The following ADPRM variants were observed in gnomAD, a reference collection of about 807,000 sequenced individuals.
The protein encoded by ADPRM is ADP-ribose/CDP-alcohol diphosphatase, manganese dependent, also known as manganese-dependent ADP-ribose/CDP-alcohol diphosphatase.
In ADPRM, 17 loss-of-function variants were observed where a neutral mutation model predicts 27.2. That is an observed-to-expected ratio of 0.63 (90% CI 0.43 to 0.94). The LOEUF (loss-of-function observed/expected upper bound fraction) is 0.94. Among genes scored for constraint, ADPRM ranks in the 40% least tolerant of loss-of-function variants. The probability of loss-of-function intolerance (pLI) is 0.00; values close to 1 mark genes in which losing one functional copy is unlikely to be tolerated. For synonymous variants in ADPRM, 135 were observed against 145.3 expected, an observed-to-expected ratio of 0.93 and a Z score of 0.51; for missense variants, 337 against 412.8, an observed-to-expected ratio of 0.82 and a Z score of 1.59.
chr17:10,703,588 T>C (rs891729408), intron 1 of ADPRM, among the ~76,000 whole-genome samples: 1 of 152,186 alleles, frequency 6.6e-6, no homozygotes, highest in African/African-American at 2.4e-5. Context: ...TTATTCCAAT[T>C]GTGGAGTTGT....
intron 3 of ADPRM, among the ~76,000 whole-genome samples, chr17:10,708,950 C>T (rs140816920): frequency 7.4e-4 from 112 of 152,286 alleles, no homozygotes; most frequent in African/African-American, 2.6e-3. Context: ...GTACACCTAT[C>T]TAATTTAGCA....
rs375371081 is a variant in ADPRM, at chr17:10,705,186, A to G, written c.260A>G (p.Lys87Arg). The change falls in exon 2 of 4, where the codon AAA becomes AGA. Residue 87 changes from lysine (K) to arginine (R), a missense_variant. Physicochemically the swap from Lys to Arg is conservative, Grantham distance 26. Transcript: ENST00000379774. This position sits in a 1 kb window ranked among gnomAD's most constrained non-coding sequence, Gnocchi z 5.4. ...DGYNAQYNAS[K>R]KSLELVMDMF... ...TATAATGCACAGTATAATGCATCCA[A>G]AAAGTCCCTAGAACTTGTTATGGAC... 12 of 1,614,058 alleles carry G rather than the reference A, an allele frequency of 7.4e-6. No individual in the cohort carries two copies. The highest frequency in any genetic ancestry group is 6.6e-5 in the South Asian group (6 of 91,082).
intron 1 of ADPRM, among the ~76,000 whole-genome samples, chr17:10,699,828 G>C (rs928845360): frequency 9.9e-5 from 15 of 152,038 alleles, no homozygotes; most frequent in Non-Finnish European, 1.8e-4. Flanking sequence ...CACCACACCC[G>C]GCCCCAATTT....
rs1027494731 is a variant in ADPRM, at chr17:10,697,720, G to C, written c.-18+53G>C. 206 of 654,324 alleles carry C rather than the reference G, an allele frequency of 3.1e-4. 3 individuals are homozygous for C. The Admixed American group carries it at 5.1e-3, about 16-fold the overall frequency. 40.5% of individuals were successfully genotyped at this position (654,324 alleles called of 1,614,324 possible). A position where few individuals can be genotyped will look rare whatever the true frequency, so the allele number is the denominator to read the frequency against. ...GGTCTGGCGCGGGCTGGGCGGTGCTGCGGGGCCGCGGGACAGCGGAGCGCC... is the reference window on the plus strand; with the variant it reads ...GGTCTGGCGCGGGCTGGGCGGTGCTCCGGGGCCGCGGGACAGCGGAGCGCC... On this transcript the variant is annotated intron_variant, in intron 1 of 3. Transcript: ENST00000379774.
intron 1 of ADPRM, among the ~76,000 whole-genome samples, chr17:10,700,098 G>C (rs906589208): frequency 2.0e-5 from 3 of 152,178 alleles, no homozygotes; most frequent in Non-Finnish European, 2.9e-5. Flanking sequence ...TATCTGCGTA[G>C]AAAACATATG....
chr17:10,706,482 C>G lies in ADPRM; in HGVS notation c.646C>G (p.Gln216Glu), dbSNP rs1318605396. ...QFVQFNGGFS[Q>E]EQLNWLNEVL... ...TGTCCAGTTTAATGGAGGATTCAGC[C>G]AAGAACAGCTAAACTGGTTGAATGA... is the stretch of plus-strand genomic sequence containing the variant. Residue 216 changes from glutamine (Q) to glutamate (E), a missense_variant, in exon 3 of 4, where the codon CAA (glutamine) becomes GAA (glutamate). Coordinates refer to ENST00000379774, the MANE Select transcript of ADPRM (RefSeq NM_020233.5). 1.2e-6 allele frequency: 2 copies of G among 1,601,136 alleles called. No homozygotes were observed. Among genetic ancestry groups the G allele is most frequent in the East Asian group, 4.5e-5 (2 of 44,040 alleles).
chr17:10,705,050 C>A lies in ADPRM; in HGVS notation c.124C>A (p.Arg42=), dbSNP rs151290748. The A allele has an allele frequency of 1.7e-5, 27 of 1,613,932 alleles. No individual in the cohort carries two copies. The African/African-American group carries it at 1.9e-4, about 11-fold the overall frequency. Reference sequence around the variant, plus strand: ...TGGCTTTAATTTCCAAGGAACCAGGCGGCGATACTACAGACATAGTCTTCT... The same window carrying A: ...TGGCTTTAATTTCCAAGGAACCAGGAGGCGATACTACAGACATAGTCTTCT... ...EDGFNFQGTR[R]RYYRHSLLHL... The change falls in exon 2 of 4, where the codon CGG becomes AGG. Residue 42 remains arginine (R), a synonymous_variant. Coordinates refer to ENST00000379774, the MANE Select transcript of ADPRM (RefSeq NM_020233.5). The surrounding 1 kb of genome is among the most constrained non-coding windows in gnomAD (Gnocchi z 5.4).
At chr17:10,706,366 A>C in intron 2 of ADPRM, 72 bp from the exon 3 acceptor site, 3 of 1,012,256 alleles carry the variant, frequency 3.0e-6, no homozygotes, top group Non-Finnish European at 4.5e-6. Context: ...GTGTCCCTAC[A>C]TTAACTAAAT....
chr17:10,710,420 T>TA (rs2074843511), intron 3 of ADPRM, among the ~76,000 whole-genome samples: 1 of 152,198 alleles, frequency 6.6e-6, no homozygotes, highest in Non-Finnish European at 1.5e-5. Flanking sequence ...TATTTAGTGT[T>TA]ACATCATTCT....
At chr17:10,703,493 A>G (rs1264768426) in intron 1 of ADPRM, among the ~76,000 whole-genome samples, 1 of 152,214 alleles carries the variant, frequency 6.6e-6, no homozygotes, top group Non-Finnish European at 1.5e-5. Flanking sequence ...AATTAGGTGG[A>G]TTAAAGAGTG....
At position 10,703,397 on chromosome 17, in the gene ADPRM, G is replaced by C. The variant is rs1025138391; in HGVS notation, c.-17-1513G>C. The stretch of plus-strand genomic sequence containing the variant: ...AAAAGTATGAGAACACCATGTTTAA[G>C]GATTTCCATCTCTTTCTGGTGCTGT... On this transcript the variant is annotated intron_variant, in intron 1 of 3. Coordinates refer to ENST00000379774, the MANE Select transcript of ADPRM (RefSeq NM_020233.5). Among the ~76,000 whole-genome samples, 4 of 152,224 alleles carry C rather than the reference G, an allele frequency of 2.6e-5. No individual in the cohort carries two copies. In the South Asian group the frequency reaches 8.3e-4, roughly 32 times the overall value.
intron 3 of ADPRM, among the ~76,000 whole-genome samples, chr17:10,710,307 G>T (rs1320007353): frequency 6.6e-6 from 1 of 152,196 alleles, no homozygotes; most frequent in African/African-American, 2.4e-5. Context: ...TCACCATGTT[G>T]TCCAGGCTGG....
rs2074808332 is a variant in ADPRM at position 10,705,691 on chromosome 17, C to G, written c.601+164C>G. On this transcript the variant is annotated intron_variant, in intron 2 of 3. Transcript: ENST00000379774. The surrounding 1 kb of genome is among the most constrained non-coding windows in gnomAD (Gnocchi z 5.4). ...TCACATGGATTGGTTACAGTTGATT[C>G]AAGATTGATTTAACAGATATTTTAA... 8.6e-7 allele frequency: 1 copy of G among 1,159,950 alleles called. No individual in the cohort carries two copies. Among genetic ancestry groups the G allele is most frequent in the Non-Finnish European group, 1.2e-6 (1 of 851,222 alleles). The allele number at this position is 1,159,950 out of a possible 1,614,324, so 71.9% of individuals were successfully genotyped here.
chr17:10,697,634 G>A lies in ADPRM; in HGVS notation c.-51G>A. ...TGGTGGCGCTGTTACATAGCCCGTAGTCAGAGGCCTTTCAGCCCAGGGGCC... is the reference window on the plus strand; with the variant it reads ...TGGTGGCGCTGTTACATAGCCCGTAATCAGAGGCCTTTCAGCCCAGGGGCC... On this transcript the variant is annotated 5_prime_UTR_variant, in exon 1 of 4. Coordinates refer to ENST00000379774, the MANE Select transcript of ADPRM (RefSeq NM_020233.5). 2 of 1,202,980 alleles carry A rather than the reference G, an allele frequency of 1.7e-6. No individual in the cohort carries two copies. Among genetic ancestry groups the A allele is most frequent in the Non-Finnish European group, 1.2e-6 (1 of 833,964 alleles). 74.5% of individuals were successfully genotyped at this position (1,202,980 alleles called of 1,614,324 possible).
intron 1 of ADPRM, among the ~76,000 whole-genome samples, chr17:10,698,534 G>T (rs957856825): frequency 2.0e-5 from 3 of 152,110 alleles, no homozygotes; most frequent in Non-Finnish European, 2.9e-5. Flanking sequence ...TACAGATCCC[G>T]CTCCTGTGTG....
At position 10,710,877 on chromosome 17, in the gene ADPRM, G is replaced by A. The variant is rs1414374297; in HGVS notation, c.762G>A (p.Leu254=). The change falls in exon 4 of 4, where the codon CTG becomes CTA. Residue 254 remains leucine, a synonymous_variant. Transcript: ENST00000379774. ...IYPDASDNVC[L]AWNYRDALAV... ...CGGACGCCTCTGACAATGTGTGCCT[G>A]GCCTGGAACTACAGAGATGCCCTGG... 1 of 1,614,162 alleles carries A rather than the reference G, an allele frequency of 6.2e-7. No homozygotes were observed. The highest frequency in any genetic ancestry group is 8.5e-7 in the Non-Finnish European group (1 of 1,180,020).
In ADPRM at chr17:10,697,602, C is replaced by T; in HGVS notation, c.-83C>T. 7 of 1,483,830 alleles carry T rather than the reference C, an allele frequency of 4.7e-6. No homozygotes were observed. The highest frequency in any genetic ancestry group is 3.5e-5 in the South Asian group (3 of 85,412). 91.9% of individuals were successfully genotyped at this position (1,483,830 alleles called of 1,614,324 possible). ...TCGGAAGGAGTCGCTCTGTCCGTCCCGCTCGTTGGTGGCGCTGTTACATAG... is the reference window on the plus strand; with the variant it reads ...TCGGAAGGAGTCGCTCTGTCCGTCCTGCTCGTTGGTGGCGCTGTTACATAG... On this transcript the variant is annotated 5_prime_UTR_variant, in exon 1 of 4. Transcript: ENST00000379774.
rs1438779767 is a variant in ADPRM at position 10,706,470 on chromosome 17, G to A, written c.634G>A (p.Gly212Arg). 1 of 1,601,240 alleles carries A rather than the reference G, an allele frequency of 6.2e-7. No homozygotes were observed. The highest frequency in any genetic ancestry group is 1.8e-5 in the Admixed American group (1 of 57,110). The change falls in exon 3 of 4, where the codon GGA becomes AGA. Residue 212 changes from glycine (G) to arginine (R), a missense_variant. Gly to Arg is a moderately radical substitution (Grantham distance 125). Transcript: ENST00000379774. ...TGAGCCCCAGTTTGTCCAGTTTAAT[G>A]GAGGATTCAGCCAAGAACAGCTAAA... ...LSEPQFVQFNGGFSQEQLNWL... is the reference protein window; with the variant it reads ...LSEPQFVQFNRGFSQEQLNWL...
chr17:10,701,362 G>A (rs1186139260), intron 1 of ADPRM, among the ~76,000 whole-genome samples: 2 of 150,092 alleles, frequency 1.3e-5, no homozygotes, highest in Non-Finnish European at 3.0e-5. Context: ...ATGGAGTCTC[G>A]CTCTGTTGCC....
Sources: allele counts gnomAD v4.1 joint callset (sites outside exome capture counted in the v4.1 genomes callset), GRCh38; gene constraint gnomAD v4.1.1; non-coding constraint Gnocchi (gnomAD v3.1); transcripts MANE v1.5; gene names NCBI Gene and HGNC (gene_info 2026-07-23, HGNC 2026-07-21).